Variants in CNNM2 observed in about 807,000 individuals in gnomAD.
CNNM2 encodes cyclin and CBS domain divalent metal cation transport mediator 2, also known as metal transporter CNNM2.
A neutral mutation model predicts 66.9 loss-of-function variants in CNNM2; 12 were observed. The observed-to-expected ratio is 0.18, with a 90% CI of 0.11 to 0.29. The LOEUF is 0.29. Among genes scored for constraint, CNNM2 ranks in the 10% least tolerant of loss-of-function variants. CNNM2 has a pLI of 1.00. For missense variants in CNNM2, 705 were observed against 1,167.7 expected, an observed-to-expected ratio of 0.60 and a Z score of 5.77; for synonymous variants, 557 against 501.8, an observed-to-expected ratio of 1.11 and a Z score of -1.47.
At chr10:102,930,232 T>C (rs1368388207) in intron 1 of CNNM2, among the ~76,000 whole-genome samples, 1 of 152,144 alleles carries the variant, frequency 6.6e-6, no homozygotes, top group Admixed American at 6.6e-5. Flanking sequence ...CACATAGCAA[T>C]ATGGGAAAAT....
At chr10:103,021,182 C>T (rs1031817517) in intron 1 of CNNM2, among the ~76,000 whole-genome samples, 1 of 151,970 alleles carries the variant, frequency 6.6e-6, no homozygotes, top group Admixed American at 6.6e-5. Flanking sequence ...CGTGATTGTC[C>T]CAGCTGACCG....
chr10:102,946,631 A>G (rs1447429025), intron 1 of CNNM2, among the ~76,000 whole-genome samples: 2 of 152,116 alleles, frequency 1.3e-5, no homozygotes, highest in Non-Finnish European at 1.5e-5. Flanking sequence ...CTTCACTCCT[A>G]GGTTAAACAG....
rs769958762 is a variant in CNNM2, at chr10:102,919,639, T to C, written c.1159T>C (p.Phe387Leu). ...CACCAAGTTTTTCATGATGATGACC[T>C]TCCCCGCTTCCTACCCGGTCAGCAA... ...FLTKFFMMMT[F>L]PASYPVSKLL... Residue 387 changes from phenylalanine to leucine, a missense_variant, in exon 1 of 8, where the codon TTC becomes CTC. Phe to Leu is a conservative substitution (Grantham distance 22, BLOSUM62 0). Around this residue, in one of 9 missense-constraint regions of CNNM2, gnomAD observed 27 missense variants for 40.7 expected, o/e 0.66. Coordinates refer to ENST00000369878, the MANE Select transcript of CNNM2 (RefSeq NM_017649.5). The C allele has an allele frequency of 1.9e-6, 3 of 1,614,104 alleles. No individual in the cohort carries two copies. Among genetic ancestry groups the C allele is most frequent in the Non-Finnish European group, 1.7e-6 (2 of 1,180,044 alleles).
rs2065743488 is a variant in CNNM2 at position 103,080,139 on chromosome 10, G to T, written c.*2959G>T. 6.6e-6 allele frequency: 1 copy of T among 152,144 alleles called. No homozygotes were observed. Among genetic ancestry groups the T allele is most frequent in the Non-Finnish European group, 1.5e-5 (1 of 68,070 alleles). 9.4% of individuals were successfully genotyped at this position (152,144 alleles called of 1,614,324 possible). ...AGTGTGGAAGGGAGTGGGTCGAGTG[G>T]ACCAGATGCAGACCCCTGAGTTCTG... is the stretch of plus-strand genomic sequence containing the variant. On this transcript the variant is annotated 3_prime_UTR_variant, in exon 8 of 8. Coordinates refer to ENST00000369878, the MANE Select transcript of CNNM2 (RefSeq NM_017649.5).
intron 1 of CNNM2, among the ~76,000 whole-genome samples, chr10:102,968,339 T>G (rs2134212291): frequency 6.6e-6 from 1 of 152,164 alleles, no homozygotes; most frequent in South Asian, 2.1e-4. Flanking sequence ...CTCTGCCTCC[T>G]GGGTTCAAGT....
At chr10:103,009,965 CAA>C (rs979055016) in intron 1 of CNNM2, among the ~76,000 whole-genome samples, 3 of 149,234 alleles carry the variant, frequency 2.0e-5, no homozygotes, top group African/African-American at 4.9e-5. Flanking sequence ...CAATTAGAGA[CAA>C]AAATTGCGAA....
intron 4 of CNNM2, among the ~76,000 whole-genome samples, chr10:103,065,820 A>G (rs1029362928): frequency 1.3e-5 from 2 of 152,216 alleles, no homozygotes; most frequent in Non-Finnish European, 2.9e-5. Flanking sequence ...TGGACACGGA[A>G]TTGGGGAGAC....
At chr10:103,012,126 C>A (rs1369193451) in intron 1 of CNNM2, among the ~76,000 whole-genome samples, 5 of 152,182 alleles carry the variant, frequency 3.3e-5, no homozygotes, top group Non-Finnish European at 7.4e-5. Flanking sequence ...ATTAACAGTA[C>A]AACAAAGAAT....
chr10:102,919,410 G>T lies in CNNM2; in HGVS notation c.930G>T (p.Arg310Ser). ...CCAAGCGCATCGAGCCGGTGCGCAG[G>T]CAGGGCAACTACCTGCTGTGCTCAC... Reference protein sequence around the residue: ...NYAKRIEPVRRQGNYLLCSLL... With the variant: ...NYAKRIEPVRSQGNYLLCSLL... The change falls in exon 1 of 8, where the codon AGG becomes AGT. Residue 310 changes from arginine (R) to serine (S), a missense_variant. Arg to Ser is a moderately radical substitution (Grantham distance 110, BLOSUM62 -1). Coordinates refer to ENST00000369878, the MANE Select transcript of CNNM2 (RefSeq NM_017649.5). 1 of 1,611,594 alleles carries T rather than the reference G, an allele frequency of 6.2e-7. No individual in the cohort carries two copies. The highest frequency in any genetic ancestry group is 8.5e-7 in the Non-Finnish European group (1 of 1,180,020).
At position 103,080,081 on chromosome 10, in the gene CNNM2, C is replaced by A. The variant is rs1378992815; in HGVS notation, c.*2901C>A. On this transcript the variant is annotated 3_prime_UTR_variant, in exon 8 of 8. Coordinates refer to ENST00000369878, the MANE Select transcript of CNNM2 (RefSeq NM_017649.5). ...ATGTGGCTGCTCTTTGGCACCTCCG[C>A]TGGACTGCCCTCCCGCGGCGGTGAC... The A allele has an allele frequency of 1.3e-5, 2 of 152,294 alleles. No homozygotes were observed. The highest frequency in any genetic ancestry group is 4.8e-5 in the African/African-American group (2 of 41,454). 9.4% of individuals were successfully genotyped at this position (152,294 alleles called of 1,614,324 possible). A position where few individuals can be genotyped will look rare whatever the true frequency, so the allele number is the denominator to read the frequency against.
At chr10:102,923,972 G>C (rs2134157164) in intron 1 of CNNM2, among the ~76,000 whole-genome samples, 1 of 152,264 alleles carries the variant, frequency 6.6e-6, no homozygotes, top group Middle Eastern at 3.4e-3. Flanking sequence ...TTACATTTTT[G>C]AATCTATCTG....
At chr10:102,973,382 TCTC>T (rs2063575205) in intron 1 of CNNM2, among the ~76,000 whole-genome samples, 4 of 152,080 alleles carry the variant, frequency 2.6e-5, no homozygotes, top group South Asian at 4.1e-4. Context: ...GCTCAAGTGA[TCTC>T]CTACTTCTCA....
intron 1 of CNNM2, among the ~76,000 whole-genome samples, chr10:102,920,359 G>A (rs1169844848): frequency 6.6e-6 from 1 of 151,828 alleles, no homozygotes; most frequent in Non-Finnish European, 1.5e-5. Context: ...TGTAATTTCT[G>A]TGCATGACAC....
chr10:103,087,140 A>ATTTTTATTTTTTTTTTTTTTTTTT lies in CNNM2; in HGVS notation c.*9965_*9966insATTTTTTTTTTTTTTTTTTTTTTT, dbSNP rs2065827703. 1 of 75,374 alleles carries ATTTTTATTTTTTTTTTTTTTTTTT rather than the reference A, an allele frequency of 1.3e-5. No individual in the cohort carries two copies. Among genetic ancestry groups the ATTTTTATTTTTTTTTTTTTTTTTT allele is most frequent in the Non-Finnish European group, 2.3e-5 (1 of 42,740 alleles). The allele number at this position is 75,374 out of a possible 1,614,324, so 4.7% of individuals were successfully genotyped here. On this transcript the variant is annotated 3_prime_UTR_variant, in exon 8 of 8. Transcript: ENST00000369878. ...TTCTCACGGTATAAAACTCCGCAGG[A>ATTTTTATTTTTTTTTTTTTTTTTT]TTTTTTTTTTTTTTTTTTTTTTTTT...
chr10:103,064,584 C>G (rs1354309140), intron 4 of CNNM2, among the ~76,000 whole-genome samples: 1 of 152,126 alleles, frequency 6.6e-6, no homozygotes, highest in Non-Finnish European at 1.5e-5. Context: ...GTGGCTCATG[C>G]CTGTAATCCC....
chr10:103,017,134 A>T (rs1314902434), intron 1 of CNNM2, among the ~76,000 whole-genome samples: 1 of 152,106 alleles, frequency 6.6e-6, no homozygotes, highest in African/African-American at 2.4e-5. Flanking sequence ...TGGTGGTAAG[A>T]ACGTGGATGT....
intron 1 of CNNM2, among the ~76,000 whole-genome samples, chr10:102,968,942 C>G (rs1275755887): frequency 7.7e-6 from 1 of 130,288 alleles, no homozygotes; most frequent in East Asian, 2.2e-4. Flanking sequence ...GAGACAGGGT[C>G]TCACTCTGTC....
intron 1 of CNNM2, among the ~76,000 whole-genome samples, chr10:102,950,241 G>A (rs1175887644): frequency 6.6e-6 from 1 of 152,168 alleles, no homozygotes; most frequent in African/African-American, 2.4e-5. Flanking sequence ...TGATTAATTT[G>A]ATGGAGGAAA....
intron 1 of CNNM2, among the ~76,000 whole-genome samples, chr10:102,968,198 T>C (rs950816055): frequency 6.6e-6 from 1 of 152,210 alleles, no homozygotes; most frequent in Non-Finnish European, 1.5e-5. Flanking sequence ...CAGCAATGTC[T>C]GAGGGTTTTG....
Sources: allele counts gnomAD v4.1 joint callset (sites outside exome capture counted in the v4.1 genomes callset), GRCh38; gene constraint gnomAD v4.1.1; regional missense constraint gnomAD v4.1.1; transcripts MANE v1.5; gene names NCBI Gene and HGNC (gene_info 2026-07-23, HGNC 2026-07-21).